ARHGAP28: variants seen among roughly 807,000 people sequenced by gnomAD.
ARHGAP28 encodes Rho GTPase activating protein 28, also known as rho GTPase-activating protein 28.
ARHGAP28 carries 56 observed loss-of-function variants against 90.7 expected under a neutral mutation model. The observed-to-expected ratio is 0.62, with a 90% CI of 0.50 to 0.77. The LOEUF is 0.77. ARHGAP28 is among the 30% of genes least tolerant of loss of function. The pLI is 0.00. For synonymous variants in ARHGAP28, 308 were observed against 323.3 expected, an observed-to-expected ratio of 0.95 and a Z score of 0.51; for missense variants, 869 against 900.9, an observed-to-expected ratio of 0.96 and a Z score of 0.45.
chr18:6,880,807 T>A (rs563186869), intron 10 of ARHGAP28, among the ~76,000 whole-genome samples: 2 of 152,328 alleles, frequency 1.3e-5, no homozygotes, highest in African/African-American at 4.8e-5. Flanking sequence ...ATGTGCACTC[T>A]AAATGAGTCG....
At chr18:6,882,436 G>C (rs1481234124) in intron 11 of ARHGAP28, 137 bp downstream of exon 11, 1 of 784,342 alleles carries the variant, frequency 1.3e-6, no homozygotes, top group African/African-American at 1.7e-5. Context: ...TATTAAGTTT[G>C]ATGGCAAACA....
chr18:6,815,249 C>T (rs191313869), intron 1 of ARHGAP28, among the ~76,000 whole-genome samples: 35 of 152,272 alleles, frequency 2.3e-4, no homozygotes, highest in Admixed American at 5.9e-4. Flanking sequence ...GATTATTAGC[C>T]GAACAGGGAG....
At position 6,739,501 on chromosome 18, in the gene ARHGAP28, A is replaced by G. The variant is rs1490506859; in HGVS notation, c.122+9558A>G. 4.0e-5 allele frequency among the ~76,000 whole-genome samples: 6 copies of G among 150,978 alleles called. No individual in the cohort carries two copies. The East Asian group carries it at 1.2e-3, about 29-fold the overall frequency. ...TCTTACCCTTCACATAGTCTGAAATATATTTCATATATATATTAAGAATAT... is the reference window on the plus strand; with the variant it reads ...TCTTACCCTTCACATAGTCTGAAATGTATTTCATATATATATTAAGAATAT... On this transcript the variant is annotated intron_variant, in intron 1 of 17. Transcript: ENST00000383472.
chr18:6,803,697 T>A (rs990607038), intron 1 of ARHGAP28, among the ~76,000 whole-genome samples: 23 of 152,070 alleles, frequency 1.5e-4, no homozygotes, highest in African/African-American at 4.6e-4. Context: ...CTTAAATGTT[T>A]GTAGGAATTC....
Position 6,882,259 on chromosome 18 carries a change from C to T in ARHGAP28, c.1413C>T (p.Phe471=), listed in dbSNP as rs374931092. 2 of 1,613,856 alleles carry T rather than the reference C, an allele frequency of 1.2e-6. No homozygotes were observed. The highest frequency in any genetic ancestry group is 2.7e-5 in the African/African-American group (2 of 74,924). The change falls in exon 11 of 18, where the codon TTC becomes TTT. Residue 471 remains phenylalanine (F), a synonymous_variant. Transcript: ENST00000383472. ...AFFRELPTSL[F]PVEYIPAFIS... is the part of the protein sequence containing the mutation. ...TCAGAGAACTACCCACCTCTCTCTT[C>T]CCTGTGGAATATATACCTGCCTTCA... is the stretch of plus-strand genomic sequence containing the variant.
intron 3 of ARHGAP28, among the ~76,000 whole-genome samples, chr18:6,839,333 G>T (rs530347097): frequency 3.7e-5 from 5 of 134,600 alleles, no homozygotes; most frequent in South Asian, 2.3e-4. Context: ...TCGCTCTGTC[G>T]CCCAGGCTGG....
At chr18:6,902,036 T>C (rs2057341079) in intron 16 of ARHGAP28, among the ~76,000 whole-genome samples, 1 of 152,178 alleles carries the variant, frequency 6.6e-6, no homozygotes, top group African/African-American at 2.4e-5. Flanking sequence ...AAATCCAGGA[T>C]GATTTAATCT....
At chr18:6,895,094 T>C (rs2057295008) in intron 15 of ARHGAP28, among the ~76,000 whole-genome samples, 1 of 152,128 alleles carries the variant, frequency 6.6e-6, no homozygotes, top group African/African-American at 2.4e-5. Context: ...ACAGCTACAA[T>C]GCTGTGGAAA....
chr18:6,873,571 C>CGAGGTAACTAAGAAGACTGA lies in ARHGAP28; in HGVS notation c.1118_1120+17dup. 6.2e-7 allele frequency: 1 copy of CGAGGTAACTAAGAAGACTGA among 1,612,990 alleles called. No individual in the cohort carries two copies. Among genetic ancestry groups the CGAGGTAACTAAGAAGACTGA allele is most frequent in the Non-Finnish European group, 8.5e-7 (1 of 1,179,754 alleles). ...GAACAAAACAGAGAAAGTAAAAGGA[C>CGAGGTAACTAAGAAGACTGA]GAGGTAACTAAGAAGACTGATTGCT... is the stretch of plus-strand genomic sequence containing the variant. On this transcript the variant is annotated stop_gained and frameshift_variant, in exon 8 of 18. Transcript: ENST00000383472. LOFTEE classifies it high-confidence loss of function.
At chr18:6,898,522 G>A (rs777080359) in intron 16 of ARHGAP28, 1 of 1,614,126 alleles carries the variant, frequency 6.2e-7, no homozygotes, top group Non-Finnish European at 8.5e-7. Context: ...GAGACCAACA[G>A]GAGCCCCAAA....
rs1228782327 is a variant in ARHGAP28, at chr18:6,908,983, A to C, written c.2054A>C (p.Lys685Thr). 6.5e-7 allele frequency: 1 copy of C among 1,544,756 alleles called. No homozygotes were observed. Residue 685 changes from lysine (K) to threonine (T), a missense_variant, in exon 17 of 18, where the codon AAG becomes ACG. Physicochemically the swap from Lys to Thr is moderately conservative, Grantham distance 78. Transcript: ENST00000383472. Reference sequence around the variant, plus strand: ...AGTCATGGTTCATCAGAATGTATTAAGATTCAGAACCAAAGGTTATATGAA... The same window carrying C: ...AGTCATGGTTCATCAGAATGTATTACGATTCAGAACCAAAGGTTATATGAA... ...ENSHGSSECI[K>T]IQNQRLYEIG...
At chr18:6,757,586 A>G (rs1163563173) in intron 1 of ARHGAP28, among the ~76,000 whole-genome samples, 2 of 152,180 alleles carry the variant, frequency 1.3e-5, no homozygotes, top group Admixed American at 6.5e-5. Context: ...GTCGTGGTCA[A>G]TGTTCTAGCT....
At chr18:6,880,088 A>G (rs940622279) in intron 10 of ARHGAP28, among the ~76,000 whole-genome samples, 8 of 152,112 alleles carry the variant, frequency 5.3e-5, no homozygotes, top group African/African-American at 1.9e-4. Context: ...CTTGGAAAAC[A>G]ATGTCCCCTT....
At chr18:6,745,627 G>C (rs1170331622) in intron 1 of ARHGAP28, among the ~76,000 whole-genome samples, 1 of 152,106 alleles carries the variant, frequency 6.6e-6, no homozygotes, top group Non-Finnish European at 1.5e-5. Flanking sequence ...CATGCACTTT[G>C]TTCCTTCAAT....
chr18:6,891,235 AG>A (rs1193178979), intron 14 of ARHGAP28, among the ~76,000 whole-genome samples: 2 of 152,184 alleles, frequency 1.3e-5, no homozygotes, highest in Admixed American at 1.3e-4. Context: ...CAGCTGTGCC[AG>A]GGCCATGCAG....
chr18:6,887,996 T>C (rs2057235644), intron 12 of ARHGAP28, among the ~76,000 whole-genome samples: 1 of 152,212 alleles, frequency 6.6e-6, no homozygotes, highest in African/African-American at 2.4e-5. Context: ...AAATCACTGG[T>C]TTAAATTTCT....
chr18:6,898,586 G>A, intron 16 of ARHGAP28: 1 of 1,603,252 alleles, frequency 6.2e-7, no homozygotes, highest in Non-Finnish European at 8.5e-7. Context: ...CAGTCATATA[G>A]AGACTTGAAA....
intron 2 of ARHGAP28, among the ~76,000 whole-genome samples, chr18:6,834,953 A>T (rs2143842650): frequency 6.6e-6 from 1 of 152,368 alleles, no homozygotes; most frequent in East Asian, 1.9e-4. Flanking sequence ...AATATGACAT[A>T]TGAATGACAG....
chr18:6,895,095 G>T (rs2057295030), intron 15 of ARHGAP28, among the ~76,000 whole-genome samples: 1 of 152,178 alleles, frequency 6.6e-6, no homozygotes, highest in African/African-American at 2.4e-5. Flanking sequence ...CAGCTACAAT[G>T]CTGTGGAAAG....
Sources: allele counts gnomAD v4.1 joint callset (sites outside exome capture counted in the v4.1 genomes callset), GRCh38; gene constraint gnomAD v4.1.1; transcripts MANE v1.5; gene names NCBI Gene and HGNC (gene_info 2026-07-23, HGNC 2026-07-21).